The following TBK1 variants were observed in gnomAD, a reference collection of about 807,000 sequenced individuals.
The protein encoded by TBK1 is serine/threonine-protein kinase TBK1.
Under a neutral mutation model 99.9 loss-of-function variants are expected in TBK1, and 37 were observed. The observed-to-expected ratio is 0.37, with a 90% CI of 0.28 to 0.49. TBK1 has a LOEUF of 0.49. Among genes scored for constraint, TBK1 ranks in the 20% least tolerant of loss-of-function variants. The pLI, the probability that TBK1 is intolerant of heterozygous loss-of-function variation, is 0.98. For synonymous variants in TBK1, 258 were observed against 279.8 expected (o/e 0.92, Z 0.78); for missense variants, 644 against 872.5 (o/e 0.74, Z 3.30).
chr12:64,495,714 A>C lies in TBK1; in HGVS notation c.1659A>C (p.Gln553His), dbSNP rs772256797. 2.4e-5 allele frequency: 38 copies of C among 1,609,710 alleles called. No individual in the cohort carries two copies. In the Admixed American group the frequency reaches 5.1e-4, roughly 22 times the overall value. The change falls in exon 15 of 21, where the codon CAA (glutamine) becomes CAC (histidine). Residue 553 changes from glutamine to histidine, a missense_variant. Coordinates refer to ENST00000331710, the MANE Select transcript of TBK1 (RefSeq NM_013254.4). ...HPKDRNVEKL[Q>H]VLLNCMTEIY... is the part of the protein sequence containing the mutation. ...CCTTAAATAGTGTAGAAAAACTACA[A>C]GTCCTGTTAAATTGCATGACAGAGA... is the stretch of plus-strand genomic sequence containing the variant.
chr12:64,481,620 A>G lies in TBK1; in HGVS notation c.813-222A>G, dbSNP rs190515669. 9.4e-3 allele frequency among the ~76,000 whole-genome samples: 1,435 copies of G among 152,270 alleles called. 19 individuals are homozygous for G. The highest frequency in any genetic ancestry group is 0.032 in the African/African-American group (1,342 of 41,544). On this transcript the variant is annotated intron_variant, in intron 7 of 20. Transcript: ENST00000331710. ...AGCCTGGGCAACATAACAAGACCCC[A>G]TTTCTAGAAGAAAAAAAGCTATAAT...
chr12:64,495,915 G>C, intron 15 of TBK1, 140 bp downstream of exon 15: 1 of 519,986 alleles, frequency 1.9e-6, no homozygotes, highest in Non-Finnish European at 3.2e-6. Flanking sequence ...CAGGAAAAAG[G>C]TTGATTGTGT....
intron 7 of TBK1, 21 bp downstream of exon 7, chr12:64,480,143 T>C (rs369673670): frequency 6.4e-7 from 1 of 1,573,952 alleles, no homozygotes; most frequent in Non-Finnish European, 8.7e-7. Context: ...TGTACCTAAT[T>C]CTCATCTTTT....
At chr12:64,453,435 T>A (rs1290918578) in intron 1 of TBK1, among the ~76,000 whole-genome samples, 2 of 152,216 alleles carry the variant, frequency 1.3e-5, no homozygotes, top group Non-Finnish European at 2.9e-5. Flanking sequence ...GACTGGCAAA[T>A]GTGTATTCCT....
intron 2 of TBK1, among the ~76,000 whole-genome samples, chr12:64,458,512 CATATAT>C (rs10626258): frequency 2.1e-5 from 3 of 144,142 alleles, no homozygotes; most frequent in Non-Finnish European, 3.0e-5. Flanking sequence ...TGGATATATA[CATATAT>C]ATATATATAT....
rs773039023 is a variant in TBK1 at position 64,498,001 on chromosome 12, G to T, written c.2100G>T (p.Val700=). Residue 700 remains valine (V), a synonymous_variant, in exon 20 of 21, where the codon GTG becomes GTT. Transcript: ENST00000331710. ...MKKLKEEMEG[V]VKELAENNHI... Reference sequence around the variant, plus strand: ...AATTAAAGGAAGAGATGGAAGGGGTGGTTAAAGAACTTGCTGAAAATAACC... The same window carrying T: ...AATTAAAGGAAGAGATGGAAGGGGTTGTTAAAGAACTTGCTGAAAATAACC... 43 of 1,597,090 alleles carry T rather than the reference G, an allele frequency of 2.7e-5. No individual in the cohort carries two copies. Among genetic ancestry groups the T allele is most frequent in the African/African-American group, 2.4e-4 (18 of 73,742 alleles).
At chr12:64,460,162 T>TA in intron 2 of TBK1, 27 bp from the exon 3 acceptor site, 1 of 1,401,908 alleles carries the variant, frequency 7.1e-7, no homozygotes, top group Non-Finnish European at 9.6e-7. Context: ...TATGAATAAA[T>TA]AAAACATTTC....
Position 64,496,389 on chromosome 12 carries a change from A to G in TBK1, c.1743A>G (p.Gln581=), listed in dbSNP as rs746351919. The part of the protein sequence containing the change: ...AERRLAYNEE[Q]IHKFDKQKLY... ...TAGGATTAGCTTATAATGAAGAACA[A>G]ATCCACAAATTTGATAAGTAAGTAT... The change falls in exon 16 of 21, where the codon CAA becomes CAG. Residue 581 remains glutamine (Q), a synonymous_variant. Transcript: ENST00000331710. 2.4e-6 allele frequency: 3 copies of G among 1,254,830 alleles called. No individual in the cohort carries two copies. Among genetic ancestry groups the G allele is most frequent in the South Asian group, 1.4e-5 (1 of 71,046 alleles). The allele number at this position is 1,254,830 out of a possible 1,614,324, so 77.7% of individuals were successfully genotyped here. A position where few individuals can be genotyped will look rare whatever the true frequency, so the allele number is the denominator to read the frequency against.
At chr12:64,501,197 C>A in intron 20 of TBK1, 133 bp from the exon 21 acceptor site, 1 of 799,692 alleles carries the variant, frequency 1.3e-6, no homozygotes, top group Non-Finnish European at 2.0e-6. Flanking sequence ...AGAAATAGAA[C>A]AAATCATAGT....
rs186374217 is a variant in TBK1 at position 64,485,536 on chromosome 12, A to G, written c.1248+23A>G. On this transcript the variant is annotated intron_variant, in intron 10 of 20. Coordinates refer to ENST00000331710, the MANE Select transcript of TBK1 (RefSeq NM_013254.4). ...AAGGTTAGTATTTAATTTAATTACT[A>G]TGTAAACATCTGAATTTAATGTATC... 204 of 1,294,404 alleles carry G rather than the reference A, an allele frequency of 1.6e-4. No individual in the cohort carries two copies. In the African/African-American group the frequency reaches 2.7e-3, roughly 17 times the overall value. 80.2% of individuals were successfully genotyped at this position (1,294,404 alleles called of 1,614,324 possible).
intron 13 of TBK1, among the ~76,000 whole-genome samples, chr12:64,493,801 C>T (rs574440917): frequency 5.9e-5 from 9 of 152,208 alleles, no homozygotes; most frequent in African/African-American, 2.2e-4. Flanking sequence ...TCTCATGCTG[C>T]TAAAATCTGG....
chr12:64,467,210 A>ATTCCCATGT, intron 5 of TBK1, 128 bp downstream of exon 5: 1 of 674,024 alleles, frequency 1.5e-6, no homozygotes, highest in Non-Finnish European at 2.2e-6. Flanking sequence ...TTCTATTCTA[A>ATTCCCATGT]TGAATATGTG....
intron 15 of TBK1, 62 bp downstream of exon 15, chr12:64,495,837 GTTAAA>G (rs1368803567): frequency 2.3e-6 from 3 of 1,288,802 alleles, no homozygotes; most frequent in African/African-American, 1.5e-5. Flanking sequence ...TTATAATTCA[GTTAAA>G]TTAATTTGGT....
intron 12 of TBK1, 27 bp downstream of exon 12, chr12:64,488,615 G>C: frequency 7.1e-7 from 1 of 1,401,194 alleles, no homozygotes. Flanking sequence ...CTTACTAGTA[G>C]GGGTTAAATT....
In TBK1 at chr12:64,456,506, G is replaced by T. The variant is rs1314669828; in HGVS notation, c.87+549G>T. On this transcript the variant is annotated intron_variant, in intron 2 of 20. Coordinates refer to ENST00000331710, the MANE Select transcript of TBK1 (RefSeq NM_013254.4). ...AGGTAATCAGAACCTGGTAGTGGAA[G>T]TGGGAATAAAATAAAAAGATTATTC... 3.3e-5 allele frequency among the ~76,000 whole-genome samples: 5 copies of T among 152,252 alleles called. No homozygotes were observed. The East Asian group carries it at 9.7e-4, about 29-fold the overall frequency.
chr12:64,476,305 G>A (rs1227408031), intron 6 of TBK1, among the ~76,000 whole-genome samples: 9 of 151,436 alleles, frequency 5.9e-5, no homozygotes, highest in African/African-American at 1.7e-4. Context: ...CTACAGGCAC[G>A]TGCCACCACA....
chr12:64,458,086 AACACACAC>A (rs71092969), intron 2 of TBK1, among the ~76,000 whole-genome samples: 21 of 143,664 alleles, frequency 1.5e-4, no homozygotes, highest in African/African-American at 3.6e-4. Context: ...GTCTCTACTA[AACACACAC>A]ACACACACAC....
intron 20 of TBK1, among the ~76,000 whole-genome samples, chr12:64,501,041 G>A (rs2040983321): frequency 6.6e-6 from 1 of 152,094 alleles, no homozygotes; most frequent in Admixed American, 6.6e-5. Context: ...TTACAGGCGT[G>A]AGCCACTGCG....
chr12:64,498,145 A>G (rs893066148), intron 20 of TBK1, 106 bp downstream of exon 20: 11 of 917,908 alleles, frequency 1.2e-5, no homozygotes, highest in Non-Finnish European at 1.5e-5. Context: ...GTAAAGGGTC[A>G]TAAAGTCAGA....
Sources: allele counts gnomAD v4.1 joint callset (sites outside exome capture counted in the v4.1 genomes callset), GRCh38; gene constraint gnomAD v4.1.1; transcripts MANE v1.5; gene names NCBI Gene and HGNC (gene_info 2026-07-23, HGNC 2026-07-21).